The following DLL3 variants were observed in gnomAD, a reference collection of about 807,000 sequenced individuals.
DLL3 encodes delta like canonical Notch ligand 3.
DLL3 carries 49 observed loss-of-function variants against 55.0 expected under a neutral mutation model. The ratio of observed to expected loss-of-function variants is 0.89; its 90% CI spans 0.71 to 1.13. The LOEUF is 1.13. Among genes scored for constraint, DLL3 ranks in the 50% most tolerant of loss-of-function variants. DLL3 has a pLI of 0.00. For missense variants in DLL3, 962 were observed against 875.5 expected, an observed-to-expected ratio of 1.10 and a Z score of -1.25; for synonymous variants, 421 against 385.2, an observed-to-expected ratio of 1.09 and a Z score of -1.09.
chr19:39,500,270 A>C (rs1338255572), intron 2 of DLL3, among the ~76,000 whole-genome samples: 1 of 151,786 alleles, frequency 6.6e-6, no homozygotes, highest in Non-Finnish European at 1.5e-5. Flanking sequence ...TCTAAAAAAA[A>C]AAAAAAAACA....
intron 5 of DLL3, among the ~76,000 whole-genome samples, chr19:39,504,764 A>G (rs769162018): frequency 6.6e-6 from 1 of 152,008 alleles, no homozygotes; most frequent in East Asian, 1.9e-4. Context: ...GGTGGCAGTG[A>G]GTGAGCCTGG....
At chr19:39,507,791 TAA>T (rs775821436) in intron 7 of DLL3, 37 bp from the exon 8 acceptor site, 16 of 1,613,622 alleles carry the variant, frequency 9.9e-6, no homozygotes, top group Non-Finnish European at 1.4e-5. Flanking sequence ...TCTGAGAATT[TAA>T]AGAGTCTGAG....
In DLL3 at chr19:39,500,646, G is replaced by A. The variant is rs1568448490; in HGVS notation, c.383G>A (p.Arg128Lys). ...TTCTCTTTCATCATCGAAACCTGGA[G>A]AGAGGAGTTAGGAGACCAGATTGGA... ...GTFSFIIETW[R>K]EELGDQIGGP... The change falls in exon 3 of 9, where the codon AGA becomes AAA. Residue 128 changes from arginine to lysine, a missense_variant. By Grantham distance (26) the Arg-to-Lys change is conservative. Coordinates refer to ENST00000356433, the MANE Select transcript of DLL3 (RefSeq NM_203486.3). 1 of 1,613,816 alleles carries A rather than the reference G, an allele frequency of 6.2e-7. No individual in the cohort carries two copies. Among genetic ancestry groups the A allele is most frequent in the Non-Finnish European group, 8.5e-7 (1 of 1,179,816 alleles).
chr19:39,500,506 G>A lies in DLL3; in HGVS notation c.352-109G>A, dbSNP rs1163309522. ...CTGGGAATTGTCCCTTGCTTGCTCAGTCCCCAGCAATGGCCATCACCCTCC... is the reference window on the plus strand; with the variant it reads ...CTGGGAATTGTCCCTTGCTTGCTCAATCCCCAGCAATGGCCATCACCCTCC... On this transcript the variant is annotated intron_variant, in intron 2 of 8. Coordinates refer to ENST00000356433, the MANE Select transcript of DLL3 (RefSeq NM_203486.3). 8.1e-6 allele frequency: 8 copies of A among 993,512 alleles called. No homozygotes were observed. In the African/African-American group the frequency reaches 1.1e-4, roughly 14 times the overall value. 61.5% of individuals were successfully genotyped at this position (993,512 alleles called of 1,614,324 possible).
Position 39,502,922 on chromosome 19 carries a change from T to C in DLL3, c.517T>C (p.Ser173Pro), listed in dbSNP as rs962122621. 2.1e-6 allele frequency: 3 copies of C among 1,441,712 alleles called. No individual in the cohort carries two copies. Among genetic ancestry groups the C allele is most frequent in the Admixed American group, 2.7e-5 (1 of 36,386 alleles). 89.3% of individuals were successfully genotyped at this position (1,441,712 alleles called of 1,614,324 possible). Residue 173 changes from serine (S) to proline (P), a missense_variant, in exon 4 of 9, where the codon TCG becomes CCG. Coordinates refer to ENST00000356433, the MANE Select transcript of DLL3 (RefSeq NM_203486.3). ...QRAGAWELRF[S>P]YRARCEPPAV... ...CGCAGGCGCCTGGGAGCTGCGCTTC[T>C]CGTACCGCGCGCGCTGCGAGCCGCC...
chr19:39,505,616 A>G (rs1426528032), intron 6 of DLL3, 165 bp downstream of exon 6: 4 of 654,814 alleles, frequency 6.1e-6, no homozygotes, highest in East Asian at 2.8e-5. Context: ...TCCCTATCTC[A>G]TAACTATTAA....
At position 39,499,120 on chromosome 19, in the gene DLL3, G is replaced by A. The variant is rs779320581; in HGVS notation, c.70-72G>A. ...GGTGAGTGCGACCTGAAGGTCCTGGGGAAGGAGCGTGGGGCGGACGGGAAG... is the reference window on the plus strand; with the variant it reads ...GGTGAGTGCGACCTGAAGGTCCTGGAGAAGGAGCGTGGGGCGGACGGGAAG... On this transcript the variant is annotated intron_variant, in intron 1 of 8. Coordinates refer to ENST00000356433, the MANE Select transcript of DLL3 (RefSeq NM_203486.3). The A allele has an allele frequency of 4.2e-4, 682 of 1,612,268 alleles. 2 individuals carry two copies. Among genetic ancestry groups the A allele is most frequent in the Non-Finnish European group, 5.4e-4 (640 of 1,179,824 alleles).
chr19:39,507,042 G>T lies in DLL3; in HGVS notation c.1097G>T (p.Gly366Val), dbSNP rs1484744768. The change falls in exon 7 of 9, where the codon GGA (glycine) becomes GTA (valine). Residue 366 changes from glycine (G) to valine (V), a missense_variant. Coordinates refer to ENST00000356433, the MANE Select transcript of DLL3 (RefSeq NM_203486.3). Reference protein sequence around the residue: ...RCSLQPCRNGGLCLDLGHALR... With the variant: ...RCSLQPCRNGVLCLDLGHALR... Reference sequence around the variant, plus strand: ...TCTGATGCTCCCTTCCCCACAGGCGGACTCTGCCTGGACCTGGGCCACGCC... The same window carrying T: ...TCTGATGCTCCCTTCCCCACAGGCGTACTCTGCCTGGACCTGGGCCACGCC... 6.5e-6 allele frequency: 10 copies of T among 1,535,646 alleles called. No individual in the cohort carries two copies. The highest frequency in any genetic ancestry group is 8.7e-7 in the Non-Finnish European group (1 of 1,147,472).
intron 6 of DLL3, 104 bp downstream of exon 6, chr19:39,505,555 C>A: frequency 1.5e-6 from 2 of 1,296,594 alleles, no homozygotes; most frequent in South Asian, 2.6e-5. Flanking sequence ...ACCCTAGGGC[C>A]TGGGGACCTG....
intron 3 of DLL3, among the ~76,000 whole-genome samples, 199 bp downstream of exon 3, chr19:39,500,871 C>T (rs958119511): frequency 3.3e-5 from 5 of 149,804 alleles, no homozygotes; most frequent in Admixed American, 6.7e-5. Flanking sequence ...TGGTACCAGA[C>T]GAAGTAGGGG....
In DLL3 at chr19:39,505,260, C is replaced by T. The variant is rs781626135; in HGVS notation, c.902C>T (p.Pro301Leu). Residue 301 changes from proline (P) to leucine (L), a missense_variant, in exon 6 of 9, where the codon CCG (proline) becomes CTG (leucine). Transcript: ENST00000356433. The part of the protein sequence containing the change: ...ETPRSFECTC[P>L]RGFYGLRCEV... ...CCCAGGTCCTTTGAATGCACCTGCC[C>T]GCGTGGGTTCTACGGGCTGCGGTGT... 39 of 1,614,028 alleles carry T rather than the reference C, an allele frequency of 2.4e-5. 1 individual carries two copies. Among genetic ancestry groups the T allele is most frequent in the East Asian group, 6.7e-5 (3 of 44,902 alleles).
At chr19:39,501,372 A>G (rs2079608879) in intron 3 of DLL3, among the ~76,000 whole-genome samples, 1 of 138,142 alleles carries the variant, frequency 7.2e-6, no homozygotes, top group Admixed American at 7.2e-5. Context: ...GAGCTTCACC[A>G]AGGCGAATAT....
intron 3 of DLL3, among the ~76,000 whole-genome samples, chr19:39,501,233 C>A (rs2079608028): frequency 1.3e-5 from 2 of 151,896 alleles, no homozygotes; most frequent in African/African-American, 4.8e-5. Flanking sequence ...GAACTCCTGA[C>A]CTCGTGATTC....
chr19:39,505,950 C>T (rs1412844354), intron 6 of DLL3, among the ~76,000 whole-genome samples: 1 of 152,078 alleles, frequency 6.6e-6, no homozygotes, highest in Admixed American at 6.5e-5. Flanking sequence ...GCGACTCACG[C>T]CTGTAATTCC....
At chr19:39,503,096 G>A (rs1340407531) in intron 4 of DLL3, 39 bp downstream of exon 4, 10 of 1,515,052 alleles carry the variant, frequency 6.6e-6, no homozygotes, top group Non-Finnish European at 8.8e-6. Context: ...CCCAGCCGGG[G>A]ACCCCGGCCC....
intron 3 of DLL3, 86 bp from the exon 4 acceptor site, chr19:39,502,729 G>A (rs896576849): frequency 3.1e-6 from 4 of 1,279,502 alleles, no homozygotes; most frequent in African/African-American, 1.6e-5. Context: ...GCTGGGAGGG[G>A]CGGGGAGAAT....
chr19:39,506,919 T>C (rs1372928937), intron 6 of DLL3, 120 bp from the exon 7 acceptor site: 1 of 1,068,548 alleles, frequency 9.4e-7, no homozygotes, highest in Non-Finnish European at 1.3e-6. Context: ...TCCAAGACGC[T>C]GGCCCTTAAG....
At position 39,499,799 on chromosome 19, in the gene DLL3, C is replaced by T. The variant is rs371844199; in HGVS notation, c.351+326C>T. 7.8e-4 allele frequency among the ~76,000 whole-genome samples: 119 copies of T among 152,086 alleles called. 1 individual carries two copies. Among genetic ancestry groups the T allele is most frequent in the South Asian group, 6.0e-3 (29 of 4,818 alleles). Reference sequence around the variant, plus strand: ...GATCCCTAAAAACTGTGGTCCTCATCTTTATCCCCAAACCTCTCACACCTT... The same window carrying T: ...GATCCCTAAAAACTGTGGTCCTCATTTTTATCCCCAAACCTCTCACACCTT... On this transcript the variant is annotated intron_variant, in intron 2 of 8. Transcript: ENST00000356433.
At chr19:39,501,164 T>C (rs1427433657) in intron 3 of DLL3, among the ~76,000 whole-genome samples, 7 of 152,088 alleles carry the variant, frequency 4.6e-5, no homozygotes, top group Non-Finnish European at 8.8e-5. Flanking sequence ...CACACCTGGC[T>C]ACTTTTTTTT....
Sources: gnomAD v4.1 joint callset for allele counts (sites outside exome capture counted in the v4.1 genomes callset) on GRCh38, gnomAD v4.1.1 for gene constraint, MANE v1.5 for transcripts, NCBI Gene and HGNC (gene_info 2026-07-23, HGNC 2026-07-21) for gene names.